The following HCRTR2 variants were observed in gnomAD, a reference collection of about 807,000 sequenced individuals.
HCRTR2 encodes the protein hypocretin receptor 2.
Under a neutral mutation model 49.0 loss-of-function variants are expected in HCRTR2, and 22 were observed. The ratio of observed to expected loss-of-function variants is 0.45; its 90% CI spans 0.32 to 0.64. The LOEUF (loss-of-function observed/expected upper bound fraction) is 0.64, where lower values mean the gene tolerates loss of function less well. HCRTR2 is among the 30% of genes least tolerant of loss of function. The probability of loss-of-function intolerance (pLI) is 0.04; values close to 1 mark genes in which losing one functional copy is unlikely to be tolerated. For synonymous variants in HCRTR2, 236 were observed against 205.3 expected (o/e 1.15, Z -1.28); for missense variants, 491 against 559.4 (o/e 0.88, Z 1.23).
At chr6:55,230,806 G>A (rs1017038227) in intron 1 of HCRTR2, among the ~76,000 whole-genome samples, 2 of 151,808 alleles carry the variant, frequency 1.3e-5, no homozygotes, top group African/African-American at 4.8e-5. Flanking sequence ...GTGTGGCTCA[G>A]TCATCTGAAT....
chr6:55,234,209 T>C (rs1373082585), intron 1 of HCRTR2, among the ~76,000 whole-genome samples: 9 of 152,146 alleles, frequency 5.9e-5, no homozygotes, highest in African/African-American at 1.9e-4. Flanking sequence ...TAATGATAAA[T>C]TCTCTAACAT....
chr6:55,222,770 G>C (rs546715295), intron 1 of HCRTR2, among the ~76,000 whole-genome samples: 4 of 152,164 alleles, frequency 2.6e-5, no homozygotes, highest in African/African-American at 9.7e-5. Flanking sequence ...CAGCTGCCAG[G>C]TCCTGGGAGT....
intron 1 of HCRTR2, among the ~76,000 whole-genome samples, chr6:55,188,734 G>GT (rs1436865922): frequency 9.2e-5 from 14 of 152,190 alleles, no homozygotes; most frequent in African/African-American, 3.4e-4. Flanking sequence ...TTCTAATCTT[G>GT]TGGGGGAGAC....
intron 4 of HCRTR2, among the ~76,000 whole-genome samples, chr6:55,265,191 G>A (rs188904452): frequency 2.0e-3 from 311 of 152,154 alleles, no homozygotes; most frequent in South Asian, 0.014. Flanking sequence ...AATATGAGTG[G>A]TGATTTTCTA....
At chr6:55,242,972 A>G (rs1370504469) in intron 1 of HCRTR2, among the ~76,000 whole-genome samples, 1 of 152,256 alleles carries the variant, frequency 6.6e-6, no homozygotes, top group African/African-American at 2.4e-5. Context: ...AACATATTTT[A>G]TAAAGATATC....
At chr6:55,277,299 T>C (rs1278262410) in intron 4 of HCRTR2, 81 bp from the exon 5 acceptor site, 3 of 1,190,550 alleles carry the variant, frequency 2.5e-6, no homozygotes, top group East Asian at 2.4e-5. Context: ...AGCCTTTCCT[T>C]ACTGTGTTTT....
intron 1 of HCRTR2, among the ~76,000 whole-genome samples, chr6:55,245,217 C>T (rs570933095): frequency 5.3e-5 from 8 of 151,556 alleles, no homozygotes; most frequent in South Asian, 2.1e-4. Flanking sequence ...TATGTTTAAA[C>T]GGCACAGTAA....
At chr6:55,206,853 T>G (rs1203760237) in intron 1 of HCRTR2, among the ~76,000 whole-genome samples, 1 of 152,196 alleles carries the variant, frequency 6.6e-6, no homozygotes, top group African/African-American at 2.4e-5. Flanking sequence ...TGTAGAATAA[T>G]TTTTGTGTGA....
At chr6:55,283,093 C>T (rs2127336279), downstream of HCRTR2, among the ~76,000 whole-genome samples, 1 of 152,280 alleles carries the variant, frequency 6.6e-6, no homozygotes, top group African/African-American at 2.4e-5. Context: ...AAGACTCTAT[C>T]ACAGTAAAAG....
chr6:55,198,312 C>A (rs969805952), intron 1 of HCRTR2, among the ~76,000 whole-genome samples: 2 of 152,122 alleles, frequency 1.3e-5, no homozygotes, highest in African/African-American at 4.8e-5. Flanking sequence ...CTAACATTAA[C>A]CCCAAACTTA....
intron 1 of HCRTR2, among the ~76,000 whole-genome samples, chr6:55,234,053 TG>T (rs549816221): frequency 1.2e-4 from 19 of 152,176 alleles, no homozygotes; most frequent in Non-Finnish European, 2.6e-4. Flanking sequence ...AAGGTCATTC[TG>T]TTGTTTTCAG....
chr6:55,189,203 G>T (rs759646654), intron 1 of HCRTR2, among the ~76,000 whole-genome samples: 50 of 152,124 alleles, frequency 3.3e-4, no homozygotes, highest in Non-Finnish European at 3.7e-4. Flanking sequence ...GCAATCTCTG[G>T]AGTGATTTTA....
Position 55,183,788 on chromosome 6 carries a change from C to A in HCRTR2, c.223+8978C>A, listed in dbSNP as rs146196248. ...CAGGAGGCTTTCTACGTGCTGCATA[C>A]AAAACAAAGAAAGAAAAACATAAAG... On this transcript the variant is annotated intron_variant, in intron 1 of 6. Transcript: ENST00000370862. Among the ~76,000 whole-genome samples, 1,398 of 150,938 alleles carry A rather than the reference C, an allele frequency of 9.3e-3. 20 individuals are homozygous for A. The highest frequency in any genetic ancestry group is 0.033 in the African/African-American group (1,343 of 41,088).
chr6:55,139,869 A>AT (rs1232296978), intron 1 of HCRTR2, among the ~76,000 whole-genome samples: 2 of 152,134 alleles, frequency 1.3e-5, no homozygotes, highest in Non-Finnish European at 2.9e-5. Context: ...ACCATTTGAG[A>AT]TTTTTTTCTA....
intron 1 of HCRTR2, among the ~76,000 whole-genome samples, chr6:55,244,870 T>A (rs893683756): frequency 1.1e-4 from 17 of 152,082 alleles, no homozygotes; most frequent in African/African-American, 3.9e-4. Context: ...GTTTTGTTCT[T>A]CCGCATATGG....
intron 1 of HCRTR2, among the ~76,000 whole-genome samples, chr6:55,205,134 G>A (rs1765578768): frequency 6.6e-6 from 1 of 152,100 alleles, no homozygotes; most frequent in Non-Finnish European, 1.5e-5. Flanking sequence ...ACCAAGTAAA[G>A]AAGTCAACTA....
At chr6:55,240,253 G>A (rs1766299597) in intron 1 of HCRTR2, among the ~76,000 whole-genome samples, 1 of 149,878 alleles carries the variant, frequency 6.7e-6, no homozygotes, top group Non-Finnish European at 1.5e-5. Flanking sequence ...AGCTACTCAG[G>A]AGGCTGAGGC....
At chr6:55,132,625 CATA>C (rs1273137129) in intron 1 of HCRTR2, among the ~76,000 whole-genome samples, 1 of 151,688 alleles carries the variant, frequency 6.6e-6, no homozygotes, top group Non-Finnish European at 1.5e-5. Context: ...CCCAGTAGGA[CATA>C]CGTTTCAGAT....
intron 2 of HCRTR2, among the ~76,000 whole-genome samples, chr6:55,252,879 T>A (rs1766579237): frequency 1.3e-5 from 2 of 152,090 alleles, no homozygotes; most frequent in South Asian, 4.1e-4. Context: ...TCATCATTAT[T>A]ATTATTATAA....
Sources: gnomAD v4.1 joint callset for allele counts (sites outside exome capture counted in the v4.1 genomes callset) on GRCh38, gnomAD v4.1.1 for gene constraint, MANE v1.5 for transcripts, NCBI Gene and HGNC (gene_info 2026-07-23, HGNC 2026-07-21) for gene names.